MAF: variants seen among roughly 807,000 people sequenced by gnomAD.
MAF encodes MAF bZIP transcription factor.
In MAF, 10 loss-of-function variants were observed where a neutral mutation model predicts 22.0. That is an observed-to-expected ratio of 0.45 (90% CI 0.28 to 0.77). The LOEUF (loss-of-function observed/expected upper bound fraction) is 0.77, where lower values mean the gene tolerates loss of function less well. Ranked by LOEUF, MAF falls within the 30% of genes least tolerant of loss-of-function variation. MAF has a pLI of 0.12. For missense variants in MAF, 544 were observed against 548.4 expected (o/e 0.99, Z 0.08); for synonymous variants, 337 against 255.8 (o/e 1.32, Z -3.03).
the MAF span, among the ~76,000 whole-genome samples, chr16:79,286,700 C>T: frequency 6.6e-6 from 1 of 152,334 alleles, no homozygotes; most frequent in Non-Finnish European, 1.5e-5. Flanking sequence ...CAGACATTCC[C>T]ACGCATCTTT....
chr16:79,461,340 G>A, the MAF span, among the ~76,000 whole-genome samples: 1 of 152,158 alleles, frequency 6.6e-6, no homozygotes, highest in Admixed American at 6.5e-5. Flanking sequence ...TCTATTGTGA[G>A]TATTTCTGCT....
At chr16:79,378,001 G>A in the MAF span, among the ~76,000 whole-genome samples, 1 of 152,120 alleles carries the variant, frequency 6.6e-6, no homozygotes. Context: ...GGATTGACTT[G>A]GTGATGAGGG....
intron 1 of MAF, chr16:79,595,727 A>AT (rs1379180956): frequency 1.9e-6 from 2 of 1,057,436 alleles, no homozygotes; most frequent in East Asian, 5.3e-5. Flanking sequence ...CACAGGTATT[A>AT]TTTTTTGCTT....
At chr16:79,415,551 G>A in the MAF span, among the ~76,000 whole-genome samples, 1 of 152,170 alleles carries the variant, frequency 6.6e-6, no homozygotes, top group Admixed American at 6.5e-5. Context: ...GGCTGGCAGA[G>A]ATGCTGCCTT....
At chr16:79,390,170 C>T in the MAF span, among the ~76,000 whole-genome samples, 3 of 151,810 alleles carry the variant, frequency 2.0e-5, no homozygotes, top group Admixed American at 6.6e-5. Flanking sequence ...CTGAAGCACT[C>T]GAATGGACTG....
the MAF span, among the ~76,000 whole-genome samples, chr16:79,375,437 C>G: frequency 6.6e-6 from 1 of 152,110 alleles, no homozygotes; most frequent in South Asian, 2.1e-4. Context: ...TTCACACTGA[C>G]TTGTTCTTGA....
At chr16:79,408,024 C>T in the MAF span, among the ~76,000 whole-genome samples, 7 of 133,662 alleles carry the variant, frequency 5.2e-5, no homozygotes, top group Admixed American at 2.6e-4. Flanking sequence ...CATGAAGAGG[C>T]GGGCGCCATA....
chr16:79,484,667 C>G, the MAF span, among the ~76,000 whole-genome samples: 1 of 152,176 alleles, frequency 6.6e-6, no homozygotes, highest in Admixed American at 6.5e-5. Flanking sequence ...GTTGGTCCAG[C>G]TTTGGGCTCA....
the MAF span, among the ~76,000 whole-genome samples, chr16:79,279,711 G>T: frequency 1.1e-4 from 16 of 152,138 alleles, no homozygotes; most frequent in African/African-American, 3.6e-4. Context: ...CTCGCGCAGG[G>T]GTTCTCTTAC....
the MAF span, among the ~76,000 whole-genome samples, chr16:79,259,576 C>G: frequency 6.6e-6 from 1 of 152,094 alleles, no homozygotes; most frequent in Non-Finnish European, 1.5e-5. Flanking sequence ...GTAGGTGCTC[C>G]GTAAATCATT....
At chr16:79,212,253 ATAATTGTTTCAT>A in the MAF span, 1 of 1,323,954 alleles carries the variant, frequency 7.6e-7, no homozygotes. Flanking sequence ...GATCCAGGAG[ATAATTGTTTCAT>A]TCATCCTGAC....
chr16:79,385,683 T>C, the MAF span, among the ~76,000 whole-genome samples: 1 of 152,152 alleles, frequency 6.6e-6, no homozygotes, highest in Non-Finnish European at 1.5e-5. Flanking sequence ...GGTGGATCAC[T>C]TAAGGTCAGG....
At chr16:79,398,290 T>A in the MAF span, among the ~76,000 whole-genome samples, 2 of 152,206 alleles carry the variant, frequency 1.3e-5, no homozygotes, top group Non-Finnish European at 2.9e-5. Context: ...CTCCCCAAGG[T>A]CAACTGATTA....
At chr16:79,360,737 T>C in the MAF span, among the ~76,000 whole-genome samples, 4 of 152,144 alleles carry the variant, frequency 2.6e-5, no homozygotes, top group Non-Finnish European at 5.9e-5. Context: ...ATTTCAATCA[T>C]TTTCAGAGAA....
the MAF span, among the ~76,000 whole-genome samples, chr16:79,526,831 G>A: frequency 6.2e-5 from 9 of 145,690 alleles, no homozygotes; most frequent in South Asian, 2.2e-4. Flanking sequence ...TCAATATTAC[G>A]ATACATGCAA....
the MAF span, among the ~76,000 whole-genome samples, chr16:79,538,870 GAAAA>G: frequency 3.2e-5 from 1 of 31,190 alleles, no homozygotes; most frequent in African/African-American, 8.2e-5. Flanking sequence ...GAAAAGAAAA[GAAAA>G]GAAAGAAAGA....
At chr16:79,578,079 G>A in the MAF span, among the ~76,000 whole-genome samples, 4 of 152,054 alleles carry the variant, frequency 2.6e-5, no homozygotes, top group Non-Finnish European at 5.9e-5. Context: ...CAAATAACAA[G>A]CAGAATAGCT....
chr16:79,552,163 G>C, the MAF span, among the ~76,000 whole-genome samples: 1 of 151,956 alleles, frequency 6.6e-6, no homozygotes, highest in African/African-American at 2.4e-5. Context: ...GGCTCTTCCT[G>C]GGAAGATGAT....
At chr16:79,576,971 A>T in the MAF span, among the ~76,000 whole-genome samples, 1 of 152,172 alleles carries the variant, frequency 6.6e-6, no homozygotes, top group Non-Finnish European at 1.5e-5. Context: ...ATTTATCTTC[A>T]CTATCCAGTA....
Sources: gnomAD v4.1 joint callset for allele counts (sites outside exome capture counted in the v4.1 genomes callset) on GRCh38, gnomAD v4.1.1 for gene constraint, MANE v1.5 for transcripts, NCBI Gene and HGNC (gene_info 2026-07-23, HGNC 2026-07-21) for gene names.